Variants in DPH6 observed in about 807,000 individuals in gnomAD.
DPH6 encodes diphthine--ammonia ligase.
Under a neutral mutation model 38.2 loss-of-function variants are expected in DPH6, and 33 were observed. The ratio of observed to expected loss-of-function variants is 0.86; its 90% CI spans 0.65 to 1.15. The LOEUF is 1.15. Ranked by LOEUF, DPH6 falls within the 50% of genes most tolerant of loss-of-function variation. The pLI is 0.00. For synonymous variants in DPH6, 108 were observed against 103.0 expected, an observed-to-expected ratio of 1.05 and a Z score of -0.30; for missense variants, 325 against 320.0, an observed-to-expected ratio of 1.02 and a Z score of -0.12.
At chr15:35,245,082 T>C (rs1030287549) in intron 3 of DPH6, among the ~76,000 whole-genome samples, 7 of 152,174 alleles carry the variant, frequency 4.6e-5, no homozygotes, top group Non-Finnish European at 8.8e-5. Context: ...GATTTAAATA[T>C]GAACCACATG....
At chr15:35,414,257 GTC>G (rs2053408376) in intron 5 of DPH6, among the ~76,000 whole-genome samples, 1 of 151,636 alleles carries the variant, frequency 6.6e-6, no homozygotes, top group Non-Finnish European at 1.5e-5. Context: ...GTCTCATAAT[GTC>G]TCTATGTTAC....
At chr15:35,337,040 C>T (rs1345053476) in intron 3 of DPH6, among the ~76,000 whole-genome samples, 1 of 152,044 alleles carries the variant, frequency 6.6e-6, no homozygotes, top group Non-Finnish European at 1.5e-5. Flanking sequence ...CCTCCTTGTA[C>T]CTCTGGCAGA....
chr15:35,238,952 C>T (rs1291900735), intron 3 of DPH6, among the ~76,000 whole-genome samples: 2 of 147,896 alleles, frequency 1.4e-5, no homozygotes, highest in African/African-American at 4.9e-5. Context: ...CCTTATCTCC[C>T]TTTGCTGACT....
At chr15:35,456,526 C>T (rs1322176097) in intron 3 of DPH6, among the ~76,000 whole-genome samples, 1 of 150,574 alleles carries the variant, frequency 6.6e-6, no homozygotes, top group Non-Finnish European at 1.5e-5. Context: ...CTTGCTCTGC[C>T]ACCCAGGCTG....
In DPH6 at chr15:35,538,406, C is replaced by T; in HGVS notation, c.180G>A (p.Leu60=). 1 of 1,608,430 alleles carries T rather than the reference C, an allele frequency of 6.2e-7. No homozygotes were observed. Among genetic ancestry groups the T allele is most frequent in the South Asian group, 1.1e-5 (1 of 90,432 alleles). The change falls in exon 3 of 9, where the codon TTG becomes TTA. Residue 60 remains leucine (L), a synonymous_variant. Coordinates refer to ENST00000256538, the MANE Select transcript of DPH6 (RefSeq NM_080650.4). ...GGGGAAGAGCCATTGCTTCTGCATA[C>T]AAGTCAATGGCATGGTGCCCCACTG... The part of the protein sequence containing the change: ...YQTVGHHAID[L]YAEAMALPLY...
chr15:35,207,038 CTTTTTTTT>C, the DPH6 span, among the ~76,000 whole-genome samples: 3 of 74,076 alleles, frequency 4.0e-5, no homozygotes, highest in African/African-American at 5.2e-5. Context: ...TTTAGTAAAG[CTTTTTTTT>C]TTTTTTTTTT....
the DPH6 span, among the ~76,000 whole-genome samples, chr15:35,197,432 T>C: frequency 6.6e-6 from 1 of 152,172 alleles, no homozygotes; most frequent in African/African-American, 2.4e-5. Flanking sequence ...CATGGCTTTT[T>C]AGTATAATCC....
intron 3 of DPH6, among the ~76,000 whole-genome samples, chr15:35,259,481 G>C (rs2051731363): frequency 6.6e-6 from 1 of 152,184 alleles, no homozygotes; most frequent in Non-Finnish European, 1.5e-5. Context: ...ATATAAAATA[G>C]ATAATAAGAT....
chr15:35,152,544 G>T, the DPH6 span, among the ~76,000 whole-genome samples: 3 of 152,106 alleles, frequency 2.0e-5, no homozygotes, highest in Non-Finnish European at 4.4e-5. Context: ...TTGTTGCCCA[G>T]GCTGGAGTGC....
At chr15:35,309,390 C>T (rs1595471269) in intron 3 of DPH6, among the ~76,000 whole-genome samples, 3 of 152,242 alleles carry the variant, frequency 2.0e-5, no homozygotes, top group Non-Finnish European at 4.4e-5. Context: ...CATCCTAGAG[C>T]TAGCACAGGT....
intron 3 of DPH6, among the ~76,000 whole-genome samples, chr15:35,258,594 G>A (rs1550744): frequency 3.0e-4 from 46 of 152,004 alleles, no homozygotes; most frequent in African/African-American, 1.1e-3. Context: ...AATGTCCTTT[G>A]TTCTATAAGC....
chr15:35,507,030 T>C (rs2054703349), intron 3 of DPH6, among the ~76,000 whole-genome samples: 1 of 152,192 alleles, frequency 6.6e-6, no homozygotes, highest in Non-Finnish European at 1.5e-5. Flanking sequence ...CATACCTTTT[T>C]TGCACTTAGT....
intron 3 of DPH6, among the ~76,000 whole-genome samples, chr15:35,506,953 A>G (rs542123069): frequency 0.019 from 609 of 32,112 alleles, 1 homozygote; most frequent in Middle Eastern, 0.048. Flanking sequence ...TGACAGTGTC[A>G]GAGAAAAAAA....
At chr15:35,445,553 G>A (rs2053841710) in intron 5 of DPH6, among the ~76,000 whole-genome samples, 1 of 151,896 alleles carries the variant, frequency 6.6e-6, no homozygotes, top group Non-Finnish European at 1.5e-5. Context: ...TATGAACCAT[G>A]TAGCCTAGAA....
intron 3 of DPH6, 141 bp downstream of exon 3, chr15:35,538,133 T>C (rs2055198948): frequency 3.0e-6 from 2 of 670,384 alleles, no homozygotes; most frequent in Admixed American, 3.4e-5. Context: ...AGTTTTTTTC[T>C]AACCAAAAAA....
At chr15:35,538,551 G>C (rs2055207229) in intron 2 of DPH6, 84 bp from the exon 3 acceptor site, 2 of 1,214,036 alleles carry the variant, frequency 1.6e-6, no homozygotes, top group Admixed American at 2.8e-5. Flanking sequence ...TTTACTGCTT[G>C]AATAGTCGAC....
chr15:35,545,037 G>A (rs925937878), intron 1 of DPH6, among the ~76,000 whole-genome samples: 1 of 152,114 alleles, frequency 6.6e-6, no homozygotes, highest in Non-Finnish European at 1.5e-5. Context: ...AAAGGGAACC[G>A]GAATATTCCA....
At chr15:35,237,555 C>G in intron 3 of DPH6, 2 of 1,551,674 alleles carry the variant, frequency 1.3e-6, no homozygotes, top group Non-Finnish European at 1.8e-6. Context: ...AACAGAGTCT[C>G]GGGGGGCGTG....
At chr15:35,436,122 A>C (rs1355194169) in intron 5 of DPH6, among the ~76,000 whole-genome samples, 1 of 151,888 alleles carries the variant, frequency 6.6e-6, no homozygotes, top group Non-Finnish European at 1.5e-5. Context: ...ACCTCCATGG[A>C]GTCCCCTCAT....
Sources: gnomAD v4.1 joint callset for allele counts (sites outside exome capture counted in the v4.1 genomes callset) on GRCh38, gnomAD v4.1.1 for gene constraint, MANE v1.5 for transcripts, NCBI Gene and HGNC (gene_info 2026-07-23, HGNC 2026-07-21) for gene names.